DNAJC18: variants seen among roughly 807,000 people sequenced by gnomAD.
The protein encoded by DNAJC18 is DnaJ heat shock protein family (Hsp40) member C18, also known as dnaJ homolog subfamily C member 18.
A neutral mutation model predicts 48.6 loss-of-function variants in DNAJC18; 40 were observed. The ratio of observed to expected loss-of-function variants is 0.82; its 90% CI spans 0.64 to 1.07. The LOEUF is 1.07. Ranked by LOEUF, DNAJC18 falls within the 50% of genes least tolerant of loss-of-function variation. The probability of loss-of-function intolerance (pLI) is 0.00; values close to 1 mark genes in which losing one functional copy is unlikely to be tolerated. For missense variants in DNAJC18, 340 were observed against 427.7 expected (o/e 0.79, Z 1.81); for synonymous variants, 135 against 152.2 (o/e 0.89, Z 0.83).
rs1194881455 is a variant in DNAJC18, at chr5:139,410,270, G to A, written c.*3878C>T. 6.6e-6 allele frequency: 1 copy of A among 152,252 alleles called. No homozygotes were observed. Among genetic ancestry groups the A allele is most frequent in the Non-Finnish European group, 1.5e-5 (1 of 68,042 alleles). 9.4% of individuals were successfully genotyped at this position (152,252 alleles called of 1,614,324 possible). A position where few individuals can be genotyped will look rare whatever the true frequency, so the allele number is the denominator to read the frequency against. Reference sequence around the variant, plus strand: ...TACACTCAATCCAGATGTAGTGGATGAGGTGGCCAGATTTTTTCAAGATTC... The same window carrying A: ...TACACTCAATCCAGATGTAGTGGATAAGGTGGCCAGATTTTTTCAAGATTC... On this transcript the variant is annotated 3_prime_UTR_variant, in exon 8 of 8. Coordinates refer to ENST00000302060, the MANE Select transcript of DNAJC18 (RefSeq NM_152686.4).
chr5:139,412,443 T>C lies in DNAJC18; in HGVS notation c.*1705A>G, dbSNP rs1581410581. On this transcript the variant is annotated 3_prime_UTR_variant, in exon 8 of 8. Transcript: ENST00000302060. Reference sequence around the variant, plus strand: ...ACCTGGCTAATTTTTGTATTATTAGTAGAGATGGGGTTTCACTGTGTTGGC... The same window carrying C: ...ACCTGGCTAATTTTTGTATTATTAGCAGAGATGGGGTTTCACTGTGTTGGC... 1 of 303,302 alleles carries C rather than the reference T, an allele frequency of 3.3e-6. No individual in the cohort carries two copies. The highest frequency in any genetic ancestry group is 5.4e-5 in the East Asian group (1 of 18,468). The allele number at this position is 303,302 out of a possible 1,614,324, so 18.8% of individuals were successfully genotyped here. A position where few individuals can be genotyped will look rare whatever the true frequency, so the allele number is the denominator to read the frequency against.
At chr5:139,419,276 A>G (rs565618575) in intron 7 of DNAJC18, 2 of 382,400 alleles carry the variant, frequency 5.2e-6, no homozygotes, top group East Asian at 1.5e-4. Flanking sequence ...CCAAAGGTGA[A>G]GCTGTTGGCT....
intron 6 of DNAJC18, among the ~76,000 whole-genome samples, chr5:139,421,282 T>C (rs891854659): frequency 1.3e-5 from 2 of 151,896 alleles, no homozygotes; most frequent in African/African-American, 4.8e-5. Flanking sequence ...ACCCAGTCTC[T>C]ACTAAAAAAT....
At chr5:139,428,189 G>T (rs980949054) in intron 3 of DNAJC18, among the ~76,000 whole-genome samples, 1 of 152,200 alleles carries the variant, frequency 6.6e-6, no homozygotes, top group Admixed American at 6.5e-5. Context: ...TTGAGCTCAG[G>T]AGTTTGAGAT....
At chr5:139,425,163 C>A (rs1039631744) in intron 4 of DNAJC18, 49 bp from the exon 5 acceptor site, 3 of 1,517,736 alleles carry the variant, frequency 2.0e-6, no homozygotes, top group Non-Finnish European at 2.7e-6. Context: ...TCCTTCCCTG[C>A]CTTTTTCTTT....
chr5:139,423,630 TCTC>T (rs1236997039), intron 5 of DNAJC18, among the ~76,000 whole-genome samples: 1 of 151,786 alleles, frequency 6.6e-6, no homozygotes, highest in East Asian at 1.9e-4. Flanking sequence ...CTCAAGCAAT[TCTC>T]CTGCCTCAGT....
At chr5:139,426,892 A>T (rs1759253049) in intron 3 of DNAJC18, among the ~76,000 whole-genome samples, 1 of 152,208 alleles carries the variant, frequency 6.6e-6, no homozygotes, top group Non-Finnish European at 1.5e-5. Flanking sequence ...TACTTTAAAA[A>T]AAATTTTTTT....
At chr5:139,429,454 T>C (rs537201047) in intron 2 of DNAJC18, among the ~76,000 whole-genome samples, 1 of 152,228 alleles carries the variant, frequency 6.6e-6, no homozygotes, top group East Asian at 1.9e-4. Flanking sequence ...GTTTATACAG[T>C]AAAAATTTTC....
At chr5:139,415,886 C>T (rs780027908) in intron 7 of DNAJC18, among the ~76,000 whole-genome samples, 2 of 152,154 alleles carry the variant, frequency 1.3e-5, no homozygotes, top group Non-Finnish European at 2.9e-5. Flanking sequence ...TGCTTCATTC[C>T]CTGAAATCTT....
chr5:139,433,230 G>A (rs1244745611), intron 2 of DNAJC18, among the ~76,000 whole-genome samples: 2 of 152,194 alleles, frequency 1.3e-5, no homozygotes, highest in African/African-American at 4.8e-5. Flanking sequence ...TGGATCACAA[G>A]GCCAGGAGTT....
In DNAJC18 at chr5:139,439,031, G is replaced by C. The variant is rs1332732743; in HGVS notation, c.40+375C>G. ...GGCTGGAGCGACATGATCAAACAGG[G>C]ACTGAAGGTCAGGTGGCCCAGTTAG... is the stretch of plus-strand genomic sequence containing the variant. On this transcript the variant is annotated intron_variant, in intron 1 of 7. Transcript: ENST00000302060. This position sits in a 1 kb window ranked among gnomAD's most constrained non-coding sequence, Gnocchi z 4.1. Among the ~76,000 whole-genome samples the C allele has an allele frequency of 6.6e-6, 1 of 152,208 alleles. No individual in the cohort carries two copies. The highest frequency in any genetic ancestry group is 1.5e-5 in the Non-Finnish European group (1 of 68,042).
At chr5:139,416,189 C>T (rs1759066701) in intron 7 of DNAJC18, among the ~76,000 whole-genome samples, 1 of 152,158 alleles carries the variant, frequency 6.6e-6, no homozygotes, top group South Asian at 2.1e-4. Context: ...GAATATGCTA[C>T]TTTTGACAAA....
Position 139,428,649 on chromosome 5 carries a change from C to T in DNAJC18, c.262G>A (p.Gly88Arg), listed in dbSNP as rs1378810869. The T allele has an allele frequency of 6.2e-7, 1 of 1,611,802 alleles. No individual in the cohort carries two copies. The highest frequency in any genetic ancestry group is 1.7e-5 in the Admixed American group (1 of 59,448). The change falls in exon 3 of 8, where the codon GGA (glycine) becomes AGA (arginine). Residue 88 changes from glycine to arginine, a missense_variant. By Grantham distance (125) the Gly-to-Arg change is moderately radical (BLOSUM62 -2). Transcript: ENST00000302060. Reference protein sequence around the residue: ...KKCRNYYEILGVSRDASDEEL... With the variant: ...KKCRNYYEILRVSRDASDEEL... ...TCGTCACTAGCATCTCGAGAAACTC[C>T]CAGAATTTCATAGTAATTTCTGCAT...
chr5:139,413,176 T>G lies in DNAJC18; in HGVS notation c.*972A>C. ...AAAAATCATCTCAAATCACAAACTATAGGATACTGGGTTAAACAAAGTGGC... is the reference window on the plus strand; with the variant it reads ...AAAAATCATCTCAAATCACAAACTAGAGGATACTGGGTTAAACAAAGTGGC... On this transcript the variant is annotated 3_prime_UTR_variant, in exon 8 of 8. Coordinates refer to ENST00000302060, the MANE Select transcript of DNAJC18 (RefSeq NM_152686.4). 3.3e-6 allele frequency: 1 copy of G among 300,686 alleles called. No individual in the cohort carries two copies. The highest frequency in any genetic ancestry group is 6.1e-6 in the Non-Finnish European group (1 of 164,932). 18.6% of individuals were successfully genotyped at this position (300,686 alleles called of 1,614,324 possible). A position where few individuals can be genotyped will look rare whatever the true frequency, so the allele number is the denominator to read the frequency against.
Position 139,413,218 on chromosome 5 carries a change from A to G in DNAJC18, c.*930T>C. On this transcript the variant is annotated 3_prime_UTR_variant, in exon 8 of 8. Transcript: ENST00000302060. ...CAAAGTGGCTGCTGGGGCCAAAGCTAGACCCCCATATCCAAGGAGAGAGGA... is the reference window on the plus strand; with the variant it reads ...CAAAGTGGCTGCTGGGGCCAAAGCTGGACCCCCATATCCAAGGAGAGAGGA... 4.7e-6 allele frequency: 1 copy of G among 215,006 alleles called. No individual in the cohort carries two copies. Among genetic ancestry groups the G allele is most frequent in the Non-Finnish European group, 9.1e-6 (1 of 109,858 alleles). 13.3% of individuals were successfully genotyped at this position (215,006 alleles called of 1,614,324 possible). A position where few individuals can be genotyped will look rare whatever the true frequency, so the allele number is the denominator to read the frequency against.
intron 5 of DNAJC18, among the ~76,000 whole-genome samples, chr5:139,423,332 C>CTT (rs1423340339): frequency 6.6e-6 from 1 of 151,480 alleles, no homozygotes; most frequent in Non-Finnish European, 1.5e-5. Flanking sequence ...AAATCTAGAA[C>CTT]TTTTTGAGTA....
chr5:139,429,080 CTTTTTTT>C (rs559935676), intron 2 of DNAJC18, among the ~76,000 whole-genome samples: 1 of 114,586 alleles, frequency 8.7e-6, no homozygotes, highest in Non-Finnish European at 1.9e-5. Flanking sequence ...GTATTTTTTG[CTTTTTTT>C]TTTTTTTTTT....
At chr5:139,416,104 C>T (rs1411321036) in intron 7 of DNAJC18, among the ~76,000 whole-genome samples, 1 of 152,190 alleles carries the variant, frequency 6.6e-6, no homozygotes, top group Non-Finnish European at 1.5e-5. Flanking sequence ...ATCCCCACTA[C>T]CAAGCTTAAA....
At chr5:139,426,695 G>C (rs1759249041) in intron 3 of DNAJC18, among the ~76,000 whole-genome samples, 1 of 152,102 alleles carries the variant, frequency 6.6e-6, no homozygotes, top group African/African-American at 2.4e-5. Flanking sequence ...AGGCATGTTG[G>C]GGAAATGTTC....
Sources: allele counts gnomAD v4.1 joint callset (sites outside exome capture counted in the v4.1 genomes callset), GRCh38; gene constraint gnomAD v4.1.1; non-coding constraint Gnocchi (gnomAD v3.1); transcripts MANE v1.5; gene names NCBI Gene and HGNC (gene_info 2026-07-23, HGNC 2026-07-21).